Variants in ABLIM2 observed in about 807,000 individuals in gnomAD.
ABLIM2 encodes actin binding LIM protein family member 2, also known as actin-binding LIM protein 2.
ABLIM2 carries 53 observed loss-of-function variants against 97.7 expected under a neutral mutation model. The observed-to-expected ratio is 0.54, with a 90% CI of 0.44 to 0.68. The LOEUF (loss-of-function observed/expected upper bound fraction) is 0.68. Among genes scored for constraint, ABLIM2 ranks in the 30% least tolerant of loss-of-function variants. ABLIM2 has a pLI of 0.00. For missense variants in ABLIM2, 835 were observed against 867.2 expected, an observed-to-expected ratio of 0.96 and a Z score of 0.47; for synonymous variants, 361 against 345.8, an observed-to-expected ratio of 1.04 and a Z score of -0.49.
rs1848531089 is a variant in ABLIM2, at chr4:8,127,470, A to T, written c.11-20833T>A. ...CTGATTCATGGAGCTCACAGCTCCC[A>T]GTCCCCTGAAGCTGACTCATGGAGC... On this transcript the variant is annotated intron_variant, in intron 1 of 20. Coordinates refer to ENST00000447017, the MANE Select transcript of ABLIM2 (RefSeq NM_001130083.2). The surrounding 1 kb of genome is among the most constrained non-coding windows in gnomAD (Gnocchi z 7.3). 7.8e-7 allele frequency: 1 copy of T among 1,283,154 alleles called. No individual in the cohort carries two copies. The highest frequency in any genetic ancestry group is 1.0e-6 in the Non-Finnish European group (1 of 983,526). 79.5% of individuals were successfully genotyped at this position (1,283,154 alleles called of 1,614,324 possible).
intron 6 of ABLIM2, chr4:8,066,395 AAGGAAGGAAGGAAGG>A (rs1807642806): frequency 7.5e-6 from 1 of 133,514 alleles, no homozygotes; most frequent in African/African-American, 2.8e-5. Flanking sequence ...GGAAGGAAGG[AAGGAAGGAAGGAAGG>A]AAGGAAGGAA....
chr4:8,086,881 A>G (rs1824041121), intron 4 of ABLIM2, among the ~76,000 whole-genome samples: 1 of 151,444 alleles, frequency 6.6e-6, no homozygotes, highest in Non-Finnish European at 1.5e-5. Context: ...AAATTTTTGA[A>G]TGGAGGACTC....
intron 1 of ABLIM2, among the ~76,000 whole-genome samples, chr4:8,129,403 G>A (rs974685242): frequency 2.0e-5 from 3 of 152,116 alleles, no homozygotes; most frequent in Non-Finnish European, 2.9e-5. Context: ...CCCGAAACAC[G>A]GCCAGCACCA....
In ABLIM2 at chr4:8,036,296, C is replaced by T; in HGVS notation, c.901-1G>A. The T allele has an allele frequency of 6.2e-7, 1 of 1,613,466 alleles. No individual in the cohort carries two copies. The highest frequency in any genetic ancestry group is 8.5e-7 in the Non-Finnish European group (1 of 1,179,632). The stretch of plus-strand genomic sequence containing the variant: ...CCAGGATCTCACCACCAAGCTTGGC[C>T]TGAGAGGGGAAAGAGAATTGGGGAG... On this transcript the variant is annotated splice_acceptor_variant, in intron 9 of 20. Coordinates refer to ENST00000447017, the MANE Select transcript of ABLIM2 (RefSeq NM_001130083.2). LOFTEE classifies it high-confidence loss of function.
rs1167615555 is a variant in ABLIM2 at position 7,980,941 on chromosome 4, A to ATT, written c.1824+2321_1824+2322dup. On this transcript the variant is annotated intron_variant, in intron 20 of 20. Transcript: ENST00000447017. ...AGAACCATGGTCTCCACAACCCCTT[A>ATT]TTTTTTTTTTTTTTTTTTTTGAGAT... is the stretch of plus-strand genomic sequence containing the variant. Among the ~76,000 whole-genome samples the ATT allele has an allele frequency of 5.1e-4, 42 of 82,978 alleles. 5 individuals are homozygous for ATT. The East Asian group carries it at 7.9e-3, about 16-fold the overall frequency. 54.4% of individuals were successfully genotyped at this position (82,978 alleles called of 152,430 possible). A position where few individuals can be genotyped will look rare whatever the true frequency, so the allele number is the denominator to read the frequency against.
chr4:8,035,453 C>T (rs1016382863), intron 10 of ABLIM2, among the ~76,000 whole-genome samples: 5 of 152,184 alleles, frequency 3.3e-5, no homozygotes, highest in African/African-American at 7.2e-5. Flanking sequence ...CCCCGGGGAG[C>T]CCCCCATGCC....
chr4:7,976,930 C>T (rs1420154702), intron 20 of ABLIM2, among the ~76,000 whole-genome samples: 1 of 152,104 alleles, frequency 6.6e-6, no homozygotes, highest in East Asian at 1.9e-4. Flanking sequence ...CACACATACA[C>T]ACATATCCAC....
chr4:8,070,740 G>C (rs909264025), intron 6 of ABLIM2, among the ~76,000 whole-genome samples: 6 of 152,144 alleles, frequency 3.9e-5, no homozygotes, highest in African/African-American at 1.4e-4. Context: ...AGTGAGGCCA[G>C]GAAGGGTCTA....
intron 1 of ABLIM2, 39 bp downstream of exon 1, chr4:8,158,641 G>A: frequency 6.6e-7 from 1 of 1,505,780 alleles, no homozygotes; most frequent in East Asian, 2.8e-5. Flanking sequence ...CCGCGAGCCA[G>A]CGCGGGGACC....
At chr4:8,078,893 C>T (rs530670554) in intron 5 of ABLIM2, among the ~76,000 whole-genome samples, 148 of 152,374 alleles carry the variant, frequency 9.7e-4, no homozygotes, top group Non-Finnish European at 1.8e-3. Context: ...GTACCTGCCA[C>T]TCCAATGCGC....
chr4:8,150,915 G>A lies in ABLIM2; in HGVS notation c.10+7765C>T, dbSNP rs974123508. ...TGCCAAAGCGGCTCCCACGGGGCAC[G>A]ACGTCAGGTTTGTCCCTGAGCTGTG... On this transcript the variant is annotated intron_variant, in intron 1 of 20. Coordinates refer to ENST00000447017, the MANE Select transcript of ABLIM2 (RefSeq NM_001130083.2). This position sits in a 1 kb window ranked among gnomAD's most constrained non-coding sequence, Gnocchi z 6.3. Among the ~76,000 whole-genome samples the A allele has an allele frequency of 1.4e-4, 22 of 152,130 alleles. No individual in the cohort carries two copies. The highest frequency in any genetic ancestry group is 4.6e-4 in the African/African-American group (19 of 41,432).
chr4:8,107,151 G>T (rs112546747), intron 1 of ABLIM2, among the ~76,000 whole-genome samples: 117 of 152,352 alleles, frequency 7.7e-4, no homozygotes, highest in African/African-American at 2.7e-3. Flanking sequence ...CTGGGTCCTG[G>T]GACATGGAGC....
Position 8,022,686 on chromosome 4 carries a change from A to T in ABLIM2, c.1268-2383T>A, listed in dbSNP as rs537845485. ...TTCTGGTAGGACTTGGTCTCTGAGG[A>T]CCTCTCCCTCCTCTGCACTCATGCC... is the stretch of plus-strand genomic sequence containing the variant. On this transcript the variant is annotated intron_variant, in intron 12 of 20. Transcript: ENST00000447017. The surrounding 1 kb of genome is among the most constrained non-coding windows in gnomAD (Gnocchi z 7.8). The T allele has an allele frequency of 6.6e-6, 1 of 151,950 alleles. No homozygotes were observed. The highest frequency in any genetic ancestry group is 2.0e-4 in the East Asian group (1 of 5,114). The allele number at this position is 151,950 out of a possible 1,614,324, so 9.4% of individuals were successfully genotyped here. A position where few individuals can be genotyped will look rare whatever the true frequency, so the allele number is the denominator to read the frequency against.
intron 12 of ABLIM2, among the ~76,000 whole-genome samples, chr4:8,024,368 G>A (rs750949809): frequency 1.3e-5 from 2 of 152,172 alleles, no homozygotes; most frequent in Non-Finnish European, 2.9e-5. Context: ...GCTGGGTCTT[G>A]GTGGGAAGGT....
In ABLIM2 at chr4:8,087,638, G is replaced by A. The variant is rs371250312; in HGVS notation, c.454+531C>T. ...TGAAGGAGACCTGGAAGGCTTCCTG[G>A]AGGAGGTATGCTAGAGCTGGGCAAA... On this transcript the variant is annotated intron_variant, in intron 4 of 20. Coordinates refer to ENST00000447017, the MANE Select transcript of ABLIM2 (RefSeq NM_001130083.2). The surrounding 1 kb of genome is among the most constrained non-coding windows in gnomAD (Gnocchi z 4.6). 2.6e-4 allele frequency among the ~76,000 whole-genome samples: 39 copies of A among 152,332 alleles called. No homozygotes were observed. The South Asian group carries it at 6.4e-3, about 25-fold the overall frequency.
chr4:8,069,426 G>A lies in ABLIM2; in HGVS notation c.675+8202C>T, dbSNP rs1383537540. ...GGTCCCACCACGAAGACAGTGATGA[G>A]CACATTGCCCGGGGACCAGGGGACG... On this transcript the variant is annotated intron_variant, in intron 6 of 20. Transcript: ENST00000447017. This position sits in a 1 kb window ranked among gnomAD's most constrained non-coding sequence, Gnocchi z 4.2. Among the ~76,000 whole-genome samples, 1 of 152,224 alleles carries A rather than the reference G, an allele frequency of 6.6e-6. No individual in the cohort carries two copies. Among genetic ancestry groups the A allele is most frequent in the Non-Finnish European group, 1.5e-5 (1 of 68,050 alleles).
intron 8 of ABLIM2, among the ~76,000 whole-genome samples, chr4:8,051,223 G>C (rs1795817505): frequency 6.6e-6 from 1 of 152,240 alleles, no homozygotes; most frequent in African/African-American, 2.4e-5. Context: ...TTCTAGCCCT[G>C]GTCGGTTTCA....
At chr4:8,108,026 G>T (rs535150050) in intron 1 of ABLIM2, among the ~76,000 whole-genome samples, 89 of 152,344 alleles carry the variant, frequency 5.8e-4, no homozygotes, top group Non-Finnish European at 7.9e-4. Flanking sequence ...GAAGAAACCA[G>T]CCCTTCTCAC....
At position 7,993,242 on chromosome 4, in the gene ABLIM2, A is replaced by G. The variant is rs187232937; in HGVS notation, c.1619-315T>C. 2.4e-4 allele frequency among the ~76,000 whole-genome samples: 36 copies of G among 152,342 alleles called. No individual in the cohort carries two copies. In the East Asian group the frequency reaches 6.8e-3, roughly 29 times the overall value. ...ACCTGGCACCTGGGCCAAGCCCCTC[A>G]CTTTACAGACAGGGGAGCTGAGCAG... is the stretch of plus-strand genomic sequence containing the variant. On this transcript the variant is annotated intron_variant, in intron 16 of 20. Transcript: ENST00000447017.
Sources: gnomAD v4.1 joint callset for allele counts (sites outside exome capture counted in the v4.1 genomes callset) on GRCh38, gnomAD v4.1.1 for gene constraint, Gnocchi (gnomAD v3.1) non-coding constraint, MANE v1.5 for transcripts, NCBI Gene and HGNC (gene_info 2026-07-23, HGNC 2026-07-21) for gene names.